Variants in LTBP1 observed in about 807,000 individuals in gnomAD.
The protein encoded by LTBP1 is latent transforming growth factor beta binding protein 1.
In LTBP1, 129 loss-of-function variants were observed where a neutral mutation model predicts 207.6. The observed-to-expected ratio is 0.62, with a 90% confidence interval of 0.54 to 0.72. The LOEUF is 0.72. Among genes scored for constraint, LTBP1 ranks in the 30% least tolerant of loss-of-function variants. The probability of loss-of-function intolerance (pLI) is 0.00; values close to 1 mark genes in which losing one functional copy is unlikely to be tolerated. For missense variants in LTBP1, 2,281 were observed against 2,217.2 expected (o/e 1.03, Z -0.58); for synonymous variants, 963 against 833.7 (o/e 1.16, Z -2.67).
chr2:33,070,052 G>T (rs933021489), intron 3 of LTBP1, among the ~76,000 whole-genome samples: 1 of 152,188 alleles, frequency 6.6e-6, no homozygotes. Context: ...AGCCAGGGCT[G>T]GGCCTGCCTT....
At chr2:33,202,048 C>T (rs1439257056) in intron 7 of LTBP1, among the ~76,000 whole-genome samples, 1 of 151,782 alleles carries the variant, frequency 6.6e-6, no homozygotes, top group Non-Finnish European at 1.5e-5. Flanking sequence ...CACACACACA[C>T]ACACACACAC....
intron 9 of LTBP1, among the ~76,000 whole-genome samples, chr2:33,233,871 T>C (rs1478125672): frequency 6.6e-6 from 1 of 152,104 alleles, no homozygotes; most frequent in Non-Finnish European, 1.5e-5. Flanking sequence ...TTTATTTGTT[T>C]ATGTTAACTT....
chr2:33,278,329 A>G (rs1236178913), intron 18 of LTBP1, among the ~76,000 whole-genome samples: 1 of 152,204 alleles, frequency 6.6e-6, no homozygotes, highest in Non-Finnish European at 1.5e-5. Flanking sequence ...AGTAAATAAT[A>G]TATAATTCTA....
At chr2:33,114,421 T>C (rs2080611447) in intron 4 of LTBP1, among the ~76,000 whole-genome samples, 3 of 152,188 alleles carry the variant, frequency 2.0e-5, no homozygotes, top group African/African-American at 7.2e-5. Context: ...AGTTTGCCAA[T>C]TCTTGATCTA....
Position 33,263,175 on chromosome 2 carries a change from T to C in LTBP1, c.2519-119T>C, listed in dbSNP as rs184163984. 270 of 691,334 alleles carry C rather than the reference T, an allele frequency of 3.9e-4. 1 individual carries two copies. Among genetic ancestry groups the C allele is most frequent in the Middle Eastern group, 3.9e-3 (10 of 2,596 alleles). 42.8% of individuals were successfully genotyped at this position (691,334 alleles called of 1,614,324 possible). ...GAGCCTTGGGACATAGAACAGTTCT[T>C]TATATCTGACAAATGCTGTGATATA... On this transcript the variant is annotated intron_variant, in intron 14 of 33. Coordinates refer to ENST00000404816, the MANE Select transcript of LTBP1 (RefSeq NM_206943.4).
intron 24 of LTBP1, among the ~76,000 whole-genome samples, chr2:33,329,555 A>G (rs937969648): frequency 6.6e-6 from 1 of 152,002 alleles, no homozygotes; most frequent in African/African-American, 2.4e-5. Flanking sequence ...AGGCCCCTGA[A>G]GTTTTTTTGC....
rs367944128 is a variant in LTBP1, at chr2:33,195,684, C to T, written c.1701+6833C>T. Among the ~76,000 whole-genome samples, 52 of 152,236 alleles carry T rather than the reference C, an allele frequency of 3.4e-4. No homozygotes were observed. In the East Asian group the frequency reaches 7.9e-3, roughly 23 times the overall value. Reference sequence around the variant, plus strand: ...AAATGACAACAATGGATTTAGAATACGCTATAAATTTAATTGATAAAGCAT... The same window carrying T: ...AAATGACAACAATGGATTTAGAATATGCTATAAATTTAATTGATAAAGCAT... On this transcript the variant is annotated intron_variant, in intron 7 of 33. Transcript: ENST00000404816.
chr2:33,055,052 G>A (rs219075), intron 3 of LTBP1, among the ~76,000 whole-genome samples: 60,319 of 152,024 alleles, frequency 0.4, 13,815 homozygotes, highest in East Asian at 0.64. Context: ...AACCACCAAG[G>A]TTTGTTTGTC....
At chr2:33,266,888 A>G (rs1261448954) in intron 15 of LTBP1, among the ~76,000 whole-genome samples, 1 of 152,152 alleles carries the variant, frequency 6.6e-6, no homozygotes, top group Non-Finnish European at 1.5e-5. Context: ...CTATGACACA[A>G]ACGGGGCTGA....
At chr2:33,348,174 C>G (rs1483870519) in intron 26 of LTBP1, among the ~76,000 whole-genome samples, 2 of 152,138 alleles carry the variant, frequency 1.3e-5, no homozygotes, top group African/African-American at 4.8e-5. Flanking sequence ...CCCAAATGGT[C>G]CTTTGAGAGC....
chr2:33,315,071 G>A (rs2276591), intron 23 of LTBP1, 73 bp from the exon 24 acceptor site: 820,667 of 1,190,666 alleles, frequency 0.69, 286,199 homozygotes, highest in Non-Finnish European at 0.71. Flanking sequence ...AGATTTATTT[G>A]CCATCTGTTT....
intron 9 of LTBP1, among the ~76,000 whole-genome samples, chr2:33,227,347 G>A (rs1266108284): frequency 6.6e-6 from 1 of 152,082 alleles, no homozygotes; most frequent in Non-Finnish European, 1.5e-5. Flanking sequence ...ATTTTAAAGG[G>A]ATTACTCTAG....
Position 33,275,063 on chromosome 2 carries a change from G to T in LTBP1, c.2842G>T (p.Ala948Ser), listed in dbSNP as rs1573557657. 6.2e-7 allele frequency: 1 copy of T among 1,613,974 alleles called. No individual in the cohort carries two copies. The highest frequency in any genetic ancestry group is 8.5e-7 in the Non-Finnish European group (1 of 1,179,906). ...GTGCATTTGCCCAGCAGGATTTATGGCCAGTGAGGAGGGTACTAACTGCAT... is the reference window on the plus strand; with the variant it reads ...GTGCATTTGCCCAGCAGGATTTATGTCCAGTGAGGAGGGTACTAACTGCAT... Reference protein sequence around the residue: ...FLCICPAGFMASEEGTNCIDV... With the variant: ...FLCICPAGFMSSEEGTNCIDV... The change falls in exon 17 of 34, where the codon GCC becomes TCC. Residue 948 changes from alanine to serine, a missense_variant. Physicochemically the swap from Ala to Ser is moderately conservative, Grantham distance 99. Transcript: ENST00000404816.
At chr2:33,138,732 A>G (rs531913676) in intron 5 of LTBP1, among the ~76,000 whole-genome samples, 5 of 152,196 alleles carry the variant, frequency 3.3e-5, no homozygotes, top group African/African-American at 4.8e-5. Context: ...GACATTGAAA[A>G]GCAGTCATGA....
At chr2:32,998,132 C>A (rs1386633582) in intron 2 of LTBP1, among the ~76,000 whole-genome samples, 3 of 152,182 alleles carry the variant, frequency 2.0e-5, no homozygotes, top group Non-Finnish European at 4.4e-5. Flanking sequence ...TCTTGGACTC[C>A]TCCCCAGACC....
At chr2:33,041,697 C>T (rs2149411452) in intron 3 of LTBP1, among the ~76,000 whole-genome samples, 3 of 152,310 alleles carry the variant, frequency 2.0e-5, no homozygotes, top group Middle Eastern at 3.4e-3. Context: ...TATGTGTCAA[C>T]CTTTGTATTA....
rs1295963622 is a variant in LTBP1 at position 32,952,854 on chromosome 2, G to T, written c.565+3909G>T. Among the ~76,000 whole-genome samples the T allele has an allele frequency of 2.6e-5, 4 of 152,328 alleles. No individual in the cohort carries two copies. In the East Asian group the frequency reaches 7.7e-4, roughly 29 times the overall value. Reference sequence around the variant, plus strand: ...GGGCTGGCAGGGTTATGGGGTAGAGGGAAGAGAGATGATGGCAGATACGAA... The same window carrying T: ...GGGCTGGCAGGGTTATGGGGTAGAGTGAAGAGAGATGATGGCAGATACGAA... On this transcript the variant is annotated intron_variant, in intron 2 of 33. Transcript: ENST00000404816.
At chr2:33,027,654 T>G (rs999367392) in intron 3 of LTBP1, among the ~76,000 whole-genome samples, 5 of 151,946 alleles carry the variant, frequency 3.3e-5, no homozygotes, top group Non-Finnish European at 7.4e-5. Flanking sequence ...GCCAAGATGG[T>G]GAAACCCCTT....
chr2:33,372,280 C>T (rs1352444046), intron 31 of LTBP1, among the ~76,000 whole-genome samples: 2 of 152,164 alleles, frequency 1.3e-5, no homozygotes, highest in African/African-American at 4.8e-5. Context: ...CTTAAATAGT[C>T]TCCCTTAGAA....
Sources: allele counts gnomAD v4.1 joint callset (sites outside exome capture counted in the v4.1 genomes callset), GRCh38; gene constraint gnomAD v4.1.1; transcripts MANE v1.5; gene names NCBI Gene and HGNC (gene_info 2026-07-23, HGNC 2026-07-21).